Variants in PCDHGA11 observed in about 807,000 individuals in gnomAD.
PCDHGA11 encodes the protein protocadherin gamma subfamily A, 11, also known as protocadherin gamma-A11.
PCDHGA11 carries 39 observed loss-of-function variants against 60.4 expected under a neutral mutation model. The observed-to-expected ratio is 0.65, with a 90% CI of 0.50 to 0.84. The LOEUF (loss-of-function observed/expected upper bound fraction) is 0.84. PCDHGA11 is among the 40% of genes least tolerant of loss of function. The probability of loss-of-function intolerance (pLI) is 0.00; values close to 1 mark genes in which losing one functional copy is unlikely to be tolerated. For missense variants in PCDHGA11, 1,165 were observed against 1,197.7 expected (o/e 0.97, Z 0.40); for synonymous variants, 533 against 510.3 (o/e 1.04, Z -0.60).
At chr5:141,504,134 A>G (rs73280371) in intron 2 of PCDHGA11, among the ~76,000 whole-genome samples, 139 of 152,168 alleles carry the variant, frequency 9.1e-4, no homozygotes, top group African/African-American at 3.1e-3. Flanking sequence ...TCCCGCCAAC[A>G]CTCCCCTGCA....
At chr5:141,472,332 G>A (rs566731120) in intron 1 of PCDHGA11, among the ~76,000 whole-genome samples, 1 of 152,116 alleles carries the variant, frequency 6.6e-6, no homozygotes, top group East Asian at 1.9e-4. Flanking sequence ...ACGAGGTTGG[G>A]AGATCGAGAC....
At chr5:141,449,282 G>A (rs1285842278) in intron 1 of PCDHGA11, among the ~76,000 whole-genome samples, 17 of 152,002 alleles carry the variant, frequency 1.1e-4, no homozygotes, top group Admixed American at 4.6e-4. Context: ...CCTTCACCCG[G>A]ATGCACCGGG....
intron 1 of PCDHGA11, among the ~76,000 whole-genome samples, chr5:141,446,182 G>A (rs1411996595): frequency 6.6e-6 from 1 of 152,118 alleles, no homozygotes; most frequent in African/African-American, 2.4e-5. Flanking sequence ...GGGGTGTTTT[G>A]TTTATTATTA....
chr5:141,470,488 T>A (rs2099231812), intron 1 of PCDHGA11, among the ~76,000 whole-genome samples: 2 of 152,234 alleles, frequency 1.3e-5, no homozygotes, highest in South Asian at 4.1e-4. Flanking sequence ...CCTCTGGGAA[T>A]AATATTAGGT....
Position 141,491,730 on chromosome 5 carries a change from C to A in PCDHGA11, c.2434-3077C>A, listed in dbSNP as rs1346666614. ...GGGGCTCGGCGCCGCCCCGGGCGAC[C>A]CCTGGGGGCGGCACTGGAGAAGCCG... On this transcript the variant is annotated intron_variant, in intron 1 of 3. Coordinates refer to ENST00000398587, the MANE Select transcript of PCDHGA11 (RefSeq NM_018914.3). This position sits in a 1 kb window ranked among gnomAD's most constrained non-coding sequence, Gnocchi z 6.9. 3.1e-6 allele frequency: 5 copies of A among 1,603,920 alleles called. No individual in the cohort carries two copies. The East Asian group carries it at 6.7e-5, about 22-fold the overall frequency.
intron 1 of PCDHGA11, among the ~76,000 whole-genome samples, chr5:141,473,757 T>C (rs993403397): frequency 6.6e-6 from 1 of 152,240 alleles, no homozygotes; most frequent in Non-Finnish European, 1.5e-5. Context: ...TTGGATACTA[T>C]GCAAAGGATT....
chr5:141,475,388 G>C (rs1230010845), intron 1 of PCDHGA11, among the ~76,000 whole-genome samples: 8 of 152,170 alleles, frequency 5.3e-5, no homozygotes, highest in Non-Finnish European at 1.0e-4. Flanking sequence ...AATTTTATAA[G>C]CCAGAGTTAA....
In PCDHGA11 at chr5:141,423,305, A is replaced by G. The variant is rs746680027; in HGVS notation, c.2078A>G (p.Tyr693Cys). The change falls in exon 1 of 4, where the codon TAC becomes TGC. Residue 693 changes from tyrosine to cysteine, a missense_variant. By Grantham distance (194) the Tyr-to-Cys change is radical. Coordinates refer to ENST00000398587, the MANE Select transcript of PCDHGA11 (RefSeq NM_018914.3). Reference protein sequence around the residue: ...ANSETSDLSLYLVVAVAAVSC... With the variant: ...ANSETSDLSLCLVVAVAAVSC... Reference sequence around the variant, plus strand: ...TCTGAAACCTCAGACCTCTCGCTGTACTTGGTGGTGGCGGTGGCCGCAGTC... The same window carrying G: ...TCTGAAACCTCAGACCTCTCGCTGTGCTTGGTGGTGGCGGTGGCCGCAGTC... 23 of 1,613,944 alleles carry G rather than the reference A, an allele frequency of 1.4e-5. No individual in the cohort carries two copies. Among genetic ancestry groups the G allele is most frequent in the Non-Finnish European group, 1.9e-5 (22 of 1,180,004 alleles).
chr5:141,499,322 T>C (rs1186220818), intron 2 of PCDHGA11, among the ~76,000 whole-genome samples: 1 of 152,218 alleles, frequency 6.6e-6, no homozygotes, highest in Non-Finnish European at 1.5e-5. Context: ...ACAGTATCCC[T>C]GCTCTCTCTC....
chr5:141,504,200 G>C (rs1232187138), intron 2 of PCDHGA11, among the ~76,000 whole-genome samples: 1 of 152,154 alleles, frequency 6.6e-6, no homozygotes, highest in Non-Finnish European at 1.5e-5. Context: ...TTGTCACTGT[G>C]GGAAAATTCC....
chr5:141,466,510 A>AT (rs1222513096), intron 1 of PCDHGA11, among the ~76,000 whole-genome samples: 1 of 151,938 alleles, frequency 6.6e-6, no homozygotes, highest in African/African-American at 2.4e-5. Context: ...AGACAAGATC[A>AT]TTTTTTTTCC....
At chr5:141,458,615 G>A (rs2098949624) in intron 1 of PCDHGA11, among the ~76,000 whole-genome samples, 1 of 152,088 alleles carries the variant, frequency 6.6e-6, no homozygotes, top group Admixed American at 6.6e-5. Flanking sequence ...TGTCAGCCAG[G>A]CTGGAGTGCA....
chr5:141,507,613 T>G (rs1003099044), intron 3 of PCDHGA11, among the ~76,000 whole-genome samples: 1 of 152,248 alleles, frequency 6.6e-6, no homozygotes, highest in African/African-American at 2.4e-5. Context: ...ACAGGTATAT[T>G]TAGCTGTTGT....
chr5:141,477,671 G>A lies in PCDHGA11; in HGVS notation c.2434-17136G>A, dbSNP rs1022028453. The A allele has an allele frequency of 1.2e-6, 2 of 1,614,198 alleles. No individual in the cohort carries two copies. Among genetic ancestry groups the A allele is most frequent in the Non-Finnish European group, 1.7e-6 (2 of 1,180,048 alleles). Reference sequence around the variant, plus strand: ...CACAATAAATCGTGACAATGGCATAGTGTCATCCTTAGTGCCCCTAGACTA... The same window carrying A: ...CACAATAAATCGTGACAATGGCATAATGTCATCCTTAGTGCCCCTAGACTA... On this transcript the variant is annotated intron_variant, in intron 1 of 3. Coordinates refer to ENST00000398587, the MANE Select transcript of PCDHGA11 (RefSeq NM_018914.3). This position sits in a 1 kb window ranked among gnomAD's most constrained non-coding sequence, Gnocchi z 4.9.
chr5:141,489,342 A>G lies in PCDHGA11; in HGVS notation c.2434-5465A>G. 3.7e-6 allele frequency: 6 copies of G among 1,609,084 alleles called. No homozygotes were observed. The Middle Eastern group carries it at 6.6e-4, about 178-fold the overall frequency. On this transcript the variant is annotated intron_variant, in intron 1 of 3. Transcript: ENST00000398587. The surrounding 1 kb of genome is among the most constrained non-coding windows in gnomAD (Gnocchi z 4.5). ...GGGTGTCTGGGCAGCTTCGTTACTCAGTGGTGGAGGAGTCTGAGCCGGGGA... is the reference window on the plus strand; with the variant it reads ...GGGTGTCTGGGCAGCTTCGTTACTCGGTGGTGGAGGAGTCTGAGCCGGGGA...
intron 2 of PCDHGA11, 84 bp downstream of exon 2, chr5:141,494,949 C>A (rs1193148622): frequency 6.2e-7 from 1 of 1,606,850 alleles, no homozygotes; most frequent in Non-Finnish European, 8.5e-7. Context: ...GAGGGCCCAG[C>A]ATTTGCTACA....
Position 141,499,029 on chromosome 5 carries a change from A to AAGGAAGG in PCDHGA11, c.2492+4165_2492+4166insGGAAGGA, listed in dbSNP as rs1562187768. Among the ~76,000 whole-genome samples, 348 of 140,068 alleles carry AAGGAAGG rather than the reference A, an allele frequency of 2.5e-3. 2 individuals carry two copies. The highest frequency in any genetic ancestry group is 9.3e-3 in the African/African-American group (335 of 36,066). The allele number at this position is 140,068 out of a possible 152,430, so 91.9% of individuals were successfully genotyped here. ...GGAAGGAAGGAAGGAAGGAAGGAAG[A>AAGGAAGG]AAAGAAAGAAAAAGGGAGAAAAAAT... is the stretch of plus-strand genomic sequence containing the variant. On this transcript the variant is annotated intron_variant, in intron 2 of 3. Transcript: ENST00000398587.
intron 1 of PCDHGA11, among the ~76,000 whole-genome samples, chr5:141,443,789 A>G (rs1316614117): frequency 6.6e-6 from 1 of 152,234 alleles, no homozygotes; most frequent in East Asian, 1.9e-4. Context: ...GACAAAAAAA[A>G]TGAAAAGGAA....
chr5:141,487,109 G>A lies in PCDHGA11; in HGVS notation c.2434-7698G>A. 2 of 1,614,122 alleles carry A rather than the reference G, an allele frequency of 1.2e-6. No homozygotes were observed. Among genetic ancestry groups the A allele is most frequent in the Non-Finnish European group, 1.7e-6 (2 of 1,180,004 alleles). ...CCTCCCACCACAGAAGCTGGTCATTGTGGTAAAGGATAGTGGTAGTCCACC... is the reference window on the plus strand; with the variant it reads ...CCTCCCACCACAGAAGCTGGTCATTATGGTAAAGGATAGTGGTAGTCCACC... On this transcript the variant is annotated intron_variant, in intron 1 of 3. Transcript: ENST00000398587. This position sits in a 1 kb window ranked among gnomAD's most constrained non-coding sequence, Gnocchi z 5.0.
Sources: gnomAD v4.1 joint callset for allele counts (sites outside exome capture counted in the v4.1 genomes callset) on GRCh38, gnomAD v4.1.1 for gene constraint, Gnocchi (gnomAD v3.1) non-coding constraint, MANE v1.5 for transcripts, NCBI Gene and HGNC (gene_info 2026-07-23, HGNC 2026-07-21) for gene names.